RRP7A: variants seen among roughly 807,000 people sequenced by gnomAD.
The protein encoded by RRP7A is ribosomal RNA-processing protein 7 homolog A.
In RRP7A, 27 loss-of-function variants were observed where a neutral mutation model predicts 38.4. That is an observed-to-expected ratio of 0.70 (90% CI 0.52 to 0.97). The LOEUF (loss-of-function observed/expected upper bound fraction) is 0.97. Among genes scored for constraint, RRP7A ranks in the 50% least tolerant of loss-of-function variants. The pLI is 0.00. For synonymous variants in RRP7A, 124 were observed against 150.3 expected (o/e 0.83, Z 1.28); for missense variants, 327 against 375.4 (o/e 0.87, Z 1.07).
At chr22:42,519,077 G>A (rs1209322116) in intron 1 of RRP7A, among the ~76,000 whole-genome samples, 10 of 148,784 alleles carry the variant, frequency 6.7e-5, no homozygotes, top group Non-Finnish European at 1.2e-4. Context: ...CCAGAGGGGG[G>A]AAAAAGCATG....
rs762581437 is a variant in RRP7A, at chr22:42,516,012, G to T, written c.341C>A (p.Pro114Gln). 17 of 1,592,564 alleles carry T rather than the reference G, an allele frequency of 1.1e-5. No homozygotes were observed. The highest frequency in any genetic ancestry group is 1.5e-5 in the Non-Finnish European group (17 of 1,166,890). The change falls in exon 3 of 7, where the codon CCG (proline) becomes CAG (glutamine). Residue 114 changes from proline to glutamine, a missense_variant and splice_region_variant. Coordinates refer to ENST00000323013, the MANE Select transcript of RRP7A (RefSeq NM_015703.5). ...RSKFFHPKPVPGFQVAYVVFQ... is the reference protein window; with the variant it reads ...RSKFFHPKPVQGFQVAYVVFQ... The stretch of plus-strand genomic sequence containing the variant: ...GGAACCCCGGGCTTGGCGGCTCACC[G>T]GAACTGGCTTGGGATGAAAAAACTT...
chr22:42,513,916 G>A (rs1357829243), intron 6 of RRP7A, among the ~76,000 whole-genome samples, 190 bp downstream of exon 6: 1 of 151,868 alleles, frequency 6.6e-6, no homozygotes. Context: ...GGGGTGATGG[G>A]GAACCGCCAC....
rs1233281723 is a variant in RRP7A at position 42,509,609 on chromosome 22, G to A, written c.*3301C>T. Among the ~76,000 whole-genome samples, 3 of 151,650 alleles carry A rather than the reference G, an allele frequency of 2.0e-5. No individual in the cohort carries two copies. The highest frequency in any genetic ancestry group is 2.9e-5 in the Non-Finnish European group (2 of 67,900). ...GCCTCCCAGTGTTGGGATTACAGGCGAGAGCCACCGTGCGTGGCCCACCAT... is the reference window on the plus strand; with the variant it reads ...GCCTCCCAGTGTTGGGATTACAGGCAAGAGCCACCGTGCGTGGCCCACCAT... On this transcript the variant is annotated 3_prime_UTR_variant, in exon 7 of 7. Transcript: ENST00000323013.
intron 1 of RRP7A, among the ~76,000 whole-genome samples, 181 bp downstream of exon 1, chr22:42,519,533 G>C (rs561338423): frequency 6.6e-6 from 1 of 152,130 alleles, no homozygotes; most frequent in Non-Finnish European, 1.5e-5. Flanking sequence ...GCAGGCAGAA[G>C]GGCGCCGCCT....
chr22:42,514,641 A>G (rs1920925492), intron 5 of RRP7A, 41 bp downstream of exon 5: 1 of 1,553,780 alleles, frequency 6.4e-7, no homozygotes, highest in African/African-American at 1.4e-5. Flanking sequence ...CCACAGCCAC[A>G]CGGGCGATGC....
rs1452302058 is a variant in RRP7A, at chr22:42,509,634, T to G, written c.*3276A>C. Reference sequence around the variant, plus strand: ...GAGAGCCACCGTGCGTGGCCCACCATAGACGATTTTTAAGCCATAAAAAGA... The same window carrying G: ...GAGAGCCACCGTGCGTGGCCCACCAGAGACGATTTTTAAGCCATAAAAAGA... On this transcript the variant is annotated 3_prime_UTR_variant, in exon 7 of 7. Coordinates refer to ENST00000323013, the MANE Select transcript of RRP7A (RefSeq NM_015703.5). 6.6e-6 allele frequency among the ~76,000 whole-genome samples: 1 copy of G among 151,772 alleles called. No homozygotes were observed. Among genetic ancestry groups the G allele is most frequent in the African/African-American group, 2.4e-5 (1 of 41,336 alleles).
At chr22:42,519,533 G>A (rs561338423) in intron 1 of RRP7A, among the ~76,000 whole-genome samples, 181 bp downstream of exon 1, 58 of 152,244 alleles carry the variant, frequency 3.8e-4, no homozygotes, top group South Asian at 8.3e-4. Context: ...GCAGGCAGAA[G>A]GGCGCCGCCT....
Position 42,509,097 on chromosome 22 carries a change from G to C in RRP7A, c.*3813C>G. 1.2e-6 allele frequency: 2 copies of C among 1,614,096 alleles called. No individual in the cohort carries two copies. The highest frequency in any genetic ancestry group is 8.5e-7 in the Non-Finnish European group (1 of 1,179,922). On this transcript the variant is annotated 3_prime_UTR_variant, in exon 7 of 7. Coordinates refer to ENST00000323013, the MANE Select transcript of RRP7A (RefSeq NM_015703.5). ...TTCCATCAGGAAGCTGCAGGCCCAT[G>C]TCCTGTTGATCAAGTGAGTCTGGAC...
chr22:42,517,158 A>T (rs1300508251), intron 2 of RRP7A, among the ~76,000 whole-genome samples: 6 of 151,904 alleles, frequency 3.9e-5, no homozygotes, highest in Non-Finnish European at 7.4e-5. Flanking sequence ...GGCGCCTGTA[A>T]TTCCAGCTGC....
chr22:42,514,119 C>T lies in RRP7A; in HGVS notation c.744G>A (p.Glu248=), dbSNP rs779259724. The T allele has an allele frequency of 3.1e-6, 5 of 1,612,862 alleles. No homozygotes were observed. Among genetic ancestry groups the T allele is most frequent in the Non-Finnish European group, 4.2e-6 (5 of 1,179,728 alleles). ...LLNFYAWQHR[E]SKMEHLAQLR... ...GGGGTGGCTTACGCTCCATCTTGCT[C>T]TCTCGATGCTGCCAGGCGTAGAAGT... The change falls in exon 6 of 7, where the codon GAG becomes GAA. Residue 248 remains glutamate (E), a synonymous_variant. Transcript: ENST00000323013.
chr22:42,510,702 C>G lies in RRP7A; in HGVS notation c.*2208G>C. The G allele has an allele frequency of 1.3e-6, 2 of 1,501,558 alleles. No individual in the cohort carries two copies. The highest frequency in any genetic ancestry group is 1.8e-6 in the Non-Finnish European group (2 of 1,102,438). The allele number at this position is 1,501,558 out of a possible 1,614,324, so 93.0% of individuals were successfully genotyped here. A position where few individuals can be genotyped will look rare whatever the true frequency, so the allele number is the denominator to read the frequency against. The stretch of plus-strand genomic sequence containing the variant: ...GAGTCCCTGTCGTTCATGATAGACA[C>G]AATGAAATCCACCCTCAAAGAGGTA... On this transcript the variant is annotated 3_prime_UTR_variant, in exon 7 of 7. Transcript: ENST00000323013.
rs1393345030 is a variant in RRP7A, at chr22:42,514,769, A to G, written c.471T>C (p.Ser157=). 2 of 1,609,792 alleles carry G rather than the reference A, an allele frequency of 1.2e-6. No homozygotes were observed. The highest frequency in any genetic ancestry group is 3.4e-5 in the Admixed American group (2 of 59,686). ...PVKSGIHKWI[S]DYADSVPDPE... ...GGTCGGGCACAGAGTCTGCGTAGTC[A>G]CTGATCCACTCTGAGGAAAAGGGAG... The change falls in exon 5 of 7, where the codon AGT becomes AGC. Residue 157 remains serine, a synonymous_variant. Coordinates refer to ENST00000323013, the MANE Select transcript of RRP7A (RefSeq NM_015703.5).
At position 42,509,209 on chromosome 22, in the gene RRP7A, G is replaced by A. The variant is rs992584431; in HGVS notation, c.*3701C>T. 31 of 1,569,214 alleles carry A rather than the reference G, an allele frequency of 2.0e-5. No homozygotes were observed. The highest frequency in any genetic ancestry group is 5.7e-5 in the South Asian group (5 of 87,372). ...TGGCATGAGGCTCCAAGTTCTCTGC[G>A]TGTCGACCACATCGCTAAGACTCAA... On this transcript the variant is annotated 3_prime_UTR_variant, in exon 7 of 7. Transcript: ENST00000323013.
chr22:42,519,406 G>A (rs1601809333), intron 1 of RRP7A, among the ~76,000 whole-genome samples: 1 of 152,200 alleles, frequency 6.6e-6, no homozygotes, highest in Non-Finnish European at 1.5e-5. Flanking sequence ...AAGGGGATGG[G>A]CTCACCTGGA....
Position 42,514,140 on chromosome 22 carries a change from G to A in RRP7A, c.723C>T (p.Phe241=), listed in dbSNP as rs774099373. The A allele has an allele frequency of 1.9e-6, 3 of 1,609,812 alleles. No homozygotes were observed. The highest frequency in any genetic ancestry group is 1.7e-4 in the Middle Eastern group (1 of 6,032). ...TGCTCTCTCGATGCTGCCAGGCGTAGAAGTTGAGCAGCTCTTTTCGGCTGC... is the reference window on the plus strand; with the variant it reads ...TGCTCTCTCGATGCTGCCAGGCGTAAAAGTTGAGCAGCTCTTTTCGGCTGC... ...RKRSRKELLN[F]YAWQHRESKM... The change falls in exon 6 of 7, where the codon TTC becomes TTT. Residue 241 remains phenylalanine, a synonymous_variant. Coordinates refer to ENST00000323013, the MANE Select transcript of RRP7A (RefSeq NM_015703.5).
chr22:42,512,180 G>C lies in RRP7A; in HGVS notation c.*730C>G, dbSNP rs144737997. The C allele has an allele frequency of 0.12, 189,293 of 1,578,362 alleles. 14,220 individuals are homozygous for C. The highest frequency in any genetic ancestry group is 0.22 in the Admixed American group (12,506 of 58,136). On this transcript the variant is annotated 3_prime_UTR_variant, in exon 7 of 7. Coordinates refer to ENST00000323013, the MANE Select transcript of RRP7A (RefSeq NM_015703.5). ...TCCACATGAGCGAACCCCAGCACGT[G>C]GCCAGTATCATCAGCTCCTTCTTAC...
At chr22:42,516,493 AGAAGAGACAGGGTTCTGCCAC>A in intron 2 of RRP7A, 1 of 375,890 alleles carries the variant, frequency 2.7e-6, no homozygotes, top group Non-Finnish European at 5.2e-6. Flanking sequence ...TTGTATTTTG[AGAAGAGACAGGGTTCTGCCAC>A]GTTGGCCAGG....
rs2146616489 is a variant in RRP7A at position 42,511,129 on chromosome 22, GAGT to G, written c.*1778_*1780del. 1 of 152,964 alleles carries G rather than the reference GAGT, an allele frequency of 6.5e-6. No individual in the cohort carries two copies. Among genetic ancestry groups the G allele is most frequent in the South Asian group, 2.1e-4 (1 of 4,870 alleles). 9.5% of individuals were successfully genotyped at this position (152,964 alleles called of 1,614,324 possible). ...AATGATCCTCCCACCTCAGCCACCT[GAGT>G]AGGTGGCACTACAGGCGCATGCCAT... is the stretch of plus-strand genomic sequence containing the variant. On this transcript the variant is annotated 3_prime_UTR_variant, in exon 7 of 7. Coordinates refer to ENST00000323013, the MANE Select transcript of RRP7A (RefSeq NM_015703.5).
chr22:42,509,148 G>T lies in RRP7A; in HGVS notation c.*3762C>A, dbSNP rs367954829. On this transcript the variant is annotated 3_prime_UTR_variant, in exon 7 of 7. Transcript: ENST00000323013. The stretch of plus-strand genomic sequence containing the variant: ...CCATCCCCTTCAGTCACCCCCCAAG[G>T]AGACATGGGCGCCAGGAATCTCTGG... The T allele has an allele frequency of 7.4e-6, 12 of 1,613,480 alleles. No homozygotes were observed. In the Admixed American group the frequency reaches 1.8e-4, roughly 25 times the overall value.
Sources: allele counts gnomAD v4.1 joint callset (sites outside exome capture counted in the v4.1 genomes callset), GRCh38; gene constraint gnomAD v4.1.1; transcripts MANE v1.5; gene names NCBI Gene and HGNC (gene_info 2026-07-23, HGNC 2026-07-21).